Variants in CACNB4 observed in about 807,000 individuals in gnomAD.
CACNB4 encodes voltage-dependent L-type calcium channel subunit beta-4.
In CACNB4, 32 loss-of-function variants were observed where a neutral mutation model predicts 71.2. The observed-to-expected ratio is 0.45, with a 90% confidence interval of 0.34 to 0.60. The LOEUF is 0.60. CACNB4 is among the 20% of genes least tolerant of loss of function. The pLI is 0.01. For missense variants in CACNB4, 464 were observed against 647.9 expected, an observed-to-expected ratio of 0.72 and a Z score of 3.08; for synonymous variants, 231 against 236.9, an observed-to-expected ratio of 0.97 and a Z score of 0.23.
chr2:151,881,929 G>A (rs552754843), intron 3 of CACNB4, among the ~76,000 whole-genome samples: 14 of 148,002 alleles, frequency 9.5e-5, no homozygotes, highest in Non-Finnish European at 1.9e-4. Flanking sequence ...TGCCCAGGCT[G>A]GAATGCAATG....
intron 2 of CACNB4, among the ~76,000 whole-genome samples, chr2:152,096,434 A>C (rs770103178): frequency 1.7e-4 from 26 of 152,194 alleles, no homozygotes; most frequent in Non-Finnish European, 3.1e-4. Context: ...CAGTAAGCAG[A>C]GACTGCGTCA....
At chr2:152,040,591 A>G (rs1451433764) in intron 2 of CACNB4, among the ~76,000 whole-genome samples, 2 of 152,100 alleles carry the variant, frequency 1.3e-5, no homozygotes, top group Non-Finnish European at 2.9e-5. Flanking sequence ...ACAGGCGCAC[A>G]CCACCATGCC....
At chr2:152,064,760 C>T in intron 2 of CACNB4, among the ~76,000 whole-genome samples, 1 of 152,260 alleles carries the variant, frequency 6.6e-6, no homozygotes, top group East Asian at 1.9e-4. Flanking sequence ...CAGACTTTTT[C>T]ATAATTATCA....
At chr2:152,029,172 A>G (rs1023314753) in intron 2 of CACNB4, among the ~76,000 whole-genome samples, 1 of 152,194 alleles carries the variant, frequency 6.6e-6, no homozygotes, top group Non-Finnish European at 1.5e-5. Context: ...CACTAATCCC[A>G]TGATGAGATT....
At chr2:151,932,904 T>A (rs1189243136) in intron 2 of CACNB4, among the ~76,000 whole-genome samples, 4 of 148,338 alleles carry the variant, frequency 2.7e-5, no homozygotes, top group Non-Finnish European at 5.9e-5. Flanking sequence ...GAATGTAAAG[T>A]GGCACAGAAA....
intron 3 of CACNB4, chr2:151,883,038 C>T: frequency 1.8e-6 from 1 of 546,200 alleles, no homozygotes; most frequent in Non-Finnish European, 3.3e-6. Flanking sequence ...ACCACCAAAC[C>T]AAATACAAAA....
intron 2 of CACNB4, among the ~76,000 whole-genome samples, chr2:152,074,429 T>C (rs532187063): frequency 1.1e-4 from 16 of 140,474 alleles, no homozygotes; most frequent in Non-Finnish European, 1.8e-4. Context: ...ACCACCACCA[T>C]AACCATCACC....
intron 12 of CACNB4, chr2:151,851,130 C>G (rs370280590): frequency 6.6e-5 from 10 of 152,294 alleles, no homozygotes; most frequent in African/African-American, 1.9e-4. Context: ...TAAAATGACA[C>G]AGTGATCACC....
chr2:152,089,345 C>T (rs1230966381), intron 2 of CACNB4, among the ~76,000 whole-genome samples: 1 of 152,200 alleles, frequency 6.6e-6, no homozygotes, highest in Non-Finnish European at 1.5e-5. Context: ...AGAGGTATAG[C>T]AGAGTGTGTT....
chr2:151,914,614 T>A (rs985781988), intron 2 of CACNB4, among the ~76,000 whole-genome samples: 1 of 152,232 alleles, frequency 6.6e-6, no homozygotes, highest in African/African-American at 2.4e-5. Context: ...GTTTGTCTAG[T>A]CTCAGTCTTT....
chr2:151,861,852 A>AAAAAAAAAAAAAAAAAAAAAAAAC (rs1559883027), intron 9 of CACNB4: 1 of 146,546 alleles, frequency 6.8e-6, no homozygotes, highest in African/African-American at 2.6e-5. Flanking sequence ...CAAAAAAAAA[A>AAAAAAAAAAAAAAAAAAAAAAAAC]AAAAAACTGA....
chr2:152,051,203 C>T (rs1429616408), intron 2 of CACNB4, among the ~76,000 whole-genome samples: 3 of 152,190 alleles, frequency 2.0e-5, no homozygotes, highest in Admixed American at 6.5e-5. Flanking sequence ...GACCGCCCCC[C>T]ATCCCTACCC....
intron 2 of CACNB4, among the ~76,000 whole-genome samples, chr2:151,961,255 C>A (rs1324130689): frequency 6.6e-6 from 1 of 152,190 alleles, no homozygotes; most frequent in South Asian, 2.1e-4. Flanking sequence ...GACAATGGAG[C>A]ACATCTAAGA....
intron 2 of CACNB4, among the ~76,000 whole-genome samples, chr2:152,026,437 T>G (rs559534912): frequency 1.8e-4 from 27 of 151,734 alleles, no homozygotes; most frequent in Non-Finnish European, 3.1e-4. Flanking sequence ...CAGGCTGGAG[T>G]GCAGTGGTGC....
intron 2 of CACNB4, among the ~76,000 whole-genome samples, chr2:151,939,729 C>A (rs188545810): frequency 1.2e-4 from 18 of 152,244 alleles, no homozygotes; most frequent in Admixed American, 1.0e-3. Context: ...CCTCTCTTTG[C>A]AGTGACCCAA....
chr2:151,866,270 T>C (rs1403392913), intron 9 of CACNB4: 1 of 152,234 alleles, frequency 6.6e-6, no homozygotes, highest in Non-Finnish European at 1.5e-5. Context: ...AATTATTTTC[T>C]ACTAAGATCT....
chr2:151,888,354 G>T (rs1416517623), intron 2 of CACNB4, among the ~76,000 whole-genome samples: 1 of 152,002 alleles, frequency 6.6e-6, no homozygotes, highest in Non-Finnish European at 1.5e-5. Context: ...TTGAGCCCAG[G>T]AGTTTGAGAC....
intron 12 of CACNB4, among the ~76,000 whole-genome samples, chr2:151,847,356 C>A (rs1406488223): frequency 1.3e-5 from 2 of 151,852 alleles, no homozygotes; most frequent in African/African-American, 4.8e-5. Flanking sequence ...AGAGCAAGAC[C>A]CTGTCTCAAC....
At chr2:152,035,964 C>T (rs918577689) in intron 2 of CACNB4, among the ~76,000 whole-genome samples, 4 of 152,028 alleles carry the variant, frequency 2.6e-5, no homozygotes, top group African/African-American at 4.8e-5. Context: ...CAAAATGTGG[C>T]GTATGCAGAC....
Sources: allele counts gnomAD v4.1 joint callset (sites outside exome capture counted in the v4.1 genomes callset), GRCh38; gene constraint gnomAD v4.1.1; transcripts MANE v1.5; gene names NCBI Gene and HGNC (gene_info 2026-07-23, HGNC 2026-07-21).